The following DMD variants were observed in gnomAD, a reference collection of about 807,000 sequenced individuals.
DMD encodes mutant dystrophin.
DMD carries 63 observed loss-of-function variants against 330.1 expected under a neutral mutation model. The ratio of observed to expected loss-of-function variants is 0.19; its 90% CI spans 0.16 to 0.24. DMD has a LOEUF of 0.24. DMD is among the 10% of genes least tolerant of loss of function. The probability of loss-of-function intolerance (pLI) is 1.00; values close to 1 mark genes in which losing one functional copy is unlikely to be tolerated. For synonymous variants in DMD, 1,223 were observed against 959.8 expected, an observed-to-expected ratio of 1.27 and a Z score of -5.07; for missense variants, 3,344 against 2,684.1, an observed-to-expected ratio of 1.25 and a Z score of -5.43.
chrX:32,522,317 ACTCT>A (rs1281264910), intron 17 of DMD, among the ~76,000 whole-genome samples: 8 of 111,648 alleles, frequency 7.2e-5, no homozygotes, highest in African/African-American at 2.3e-4. Context: ...TATTTATGGA[ACTCT>A]CTCTTTTATG....
intron 29 of DMD, among the ~76,000 whole-genome samples, chrX:32,416,773 G>A (rs952431537): frequency 1.8e-5 from 2 of 111,479 alleles, no homozygotes; most frequent in Non-Finnish European, 3.8e-5. Flanking sequence ...AACTACAGTG[G>A]AGACCCATGA....
chrX:33,207,868 T>C (rs181760914), intron 1 of DMD, among the ~76,000 whole-genome samples: 1 of 111,386 alleles, frequency 9.0e-6, no homozygotes, highest in East Asian at 2.8e-4. Context: ...TGAAACCTGG[T>C]TGCATTTAAT....
At chrX:31,797,356 C>T (rs1195021796) in intron 50 of DMD, among the ~76,000 whole-genome samples, 2 of 110,358 alleles carry the variant, frequency 1.8e-5, no homozygotes, top group East Asian at 5.7e-4. Context: ...ATCTCAGAAA[C>T]TAACACAATA....
intron 43 of DMD, among the ~76,000 whole-genome samples, chrX:32,234,234 A>T (rs1422208605): frequency 1.8e-5 from 2 of 112,026 alleles, no homozygotes; most frequent in African/African-American, 6.5e-5. Context: ...TCAGGAAAAG[A>T]CAGATGGGTT....
chrX:32,879,953 T>TGACC (rs1321170672), intron 2 of DMD, among the ~76,000 whole-genome samples: 2 of 111,136 alleles, frequency 1.8e-5, no homozygotes, highest in African/African-American at 3.3e-5. Flanking sequence ...GCCTCATGAG[T>TGACC]GACCTCCACA....
intron 44 of DMD, among the ~76,000 whole-genome samples, chrX:32,106,021 A>G (rs2096562441): frequency 8.9e-6 from 1 of 111,976 alleles, no homozygotes; most frequent in Non-Finnish European, 1.9e-5. Context: ...TGTTGACTTT[A>G]TAAAGGCTGG....
chrX:32,759,865 G>A (rs73621824), intron 7 of DMD, among the ~76,000 whole-genome samples: 26,089 of 75,548 alleles, frequency 0.35, 4,732 homozygotes, highest in African/African-American at 0.5. Flanking sequence ...GGGGGCGGGG[G>A]AAGACCCAGG....
At chrX:32,746,394 A>C (rs2070015016) in intron 7 of DMD, among the ~76,000 whole-genome samples, 1 of 111,909 alleles carries the variant, frequency 8.9e-6, no homozygotes, top group South Asian at 3.8e-4. Context: ...CCTTAATTTT[A>C]AAATGAGTTA....
At chrX:32,658,525 G>A (rs745535688) in intron 9 of DMD, among the ~76,000 whole-genome samples, 16 of 111,297 alleles carry the variant, frequency 1.4e-4, no homozygotes, top group East Asian at 5.7e-4. Context: ...CAAAAATCAG[G>A]TAGCAAGTCT....
intron 29 of DMD, chrX:32,412,248 C>A (rs992974355): frequency 3.0e-6 from 3 of 1,002,915 alleles, no homozygotes; most frequent in Admixed American, 5.6e-5. Flanking sequence ...TCCTCCTGAT[C>A]TCATTATATA....
chrX:31,839,651 TAATC>T (rs2042925212), intron 48 of DMD, among the ~76,000 whole-genome samples: 1 of 112,043 alleles, frequency 8.9e-6, no homozygotes, highest in Admixed American at 9.6e-5. Context: ...TATACTTAAT[TAATC>T]CTTTCATTGA....
upstream of DMD, among the ~76,000 whole-genome samples, chrX:33,216,467 G>A (rs183475959): frequency 5.4e-5 from 6 of 111,079 alleles, no homozygotes; most frequent in Admixed American, 4.8e-4. Context: ...AGGGAAGCGG[G>A]TGTGAGCTGA....
chrX:31,952,845 G>A (rs1026403037), intron 45 of DMD, among the ~76,000 whole-genome samples: 3 of 111,906 alleles, frequency 2.7e-5, no homozygotes, highest in Non-Finnish European at 5.6e-5. Context: ...CTTATGCCCA[G>A]CGTTTTTTAA....
intron 43 of DMD, among the ~76,000 whole-genome samples, chrX:32,247,423 G>T (rs1218180929): frequency 8.9e-6 from 1 of 111,853 alleles, no homozygotes; most frequent in African/African-American, 3.2e-5. Flanking sequence ...TATTGAGCCA[G>T]ATATGATGGT....
intron 60 of DMD, among the ~76,000 whole-genome samples, chrX:31,371,906 A>C (rs747055191): frequency 1.8e-5 from 2 of 112,554 alleles, no homozygotes; most frequent in African/African-American, 6.4e-5. Context: ...ACTGAGAGCC[A>C]CTGGGCAAAG....
At chrX:33,010,230 A>G (rs755465765) in intron 2 of DMD, among the ~76,000 whole-genome samples, 32 of 105,583 alleles carry the variant, frequency 3.0e-4, no homozygotes, top group Non-Finnish European at 6.2e-4. Context: ...ATATGTGTGT[A>G]TATATGTACA....
chrX:31,964,536 C>T (rs1229489757), intron 45 of DMD, among the ~76,000 whole-genome samples: 3 of 109,821 alleles, frequency 2.7e-5, no homozygotes, highest in Non-Finnish European at 5.7e-5. Flanking sequence ...GCGACACATG[C>T]TGAATTATTT....
At chrX:32,713,914 T>A (rs1032693359) in intron 7 of DMD, among the ~76,000 whole-genome samples, 5 of 111,980 alleles carry the variant, frequency 4.5e-5, no homozygotes, top group Admixed American at 9.5e-5. Flanking sequence ...CTAGCCTTCC[T>A]TAAACATGCA....
chrX:32,203,915 G>A (rs920699214), intron 44 of DMD, among the ~76,000 whole-genome samples: 1 of 110,509 alleles, frequency 9.0e-6, no homozygotes, highest in African/African-American at 3.3e-5. Flanking sequence ...ATACACTATG[G>A]GTCAAATTAT....
Sources: allele counts gnomAD v4.1 joint callset (sites outside exome capture counted in the v4.1 genomes callset), GRCh38; gene constraint gnomAD v4.1.1; transcripts MANE v1.5; gene names NCBI Gene and HGNC (gene_info 2026-07-23, HGNC 2026-07-21).